DENND4C: variants seen among roughly 807,000 people sequenced by gnomAD.
The protein encoded by DENND4C is DENN domain containing 4C, also known as DENN domain-containing protein 4C.
A neutral mutation model predicts 203.0 loss-of-function variants in DENND4C; 108 were observed. The ratio of observed to expected loss-of-function variants is 0.53; its 90% CI spans 0.46 to 0.62. The LOEUF is 0.62. Among genes scored for constraint, DENND4C ranks in the 20% least tolerant of loss-of-function variants. The pLI, the probability that DENND4C is intolerant of heterozygous loss-of-function variation, is 0.00. For synonymous variants in DENND4C, 871 were observed against 792.4 expected (o/e 1.10, Z -1.67); for missense variants, 2,481 against 2,301.2 (o/e 1.08, Z -1.60).
intron 1 of DENND4C, among the ~76,000 whole-genome samples, chr9:19,269,133 T>G (rs1368634764): frequency 6.6e-6 from 1 of 152,126 alleles, no homozygotes; most frequent in Non-Finnish European, 1.5e-5. Context: ...TCTTTACTAT[T>G]TTGTCTCCTC....
chr9:19,264,420 C>T (rs1243248153), intron 1 of DENND4C, among the ~76,000 whole-genome samples: 1 of 152,106 alleles, frequency 6.6e-6, no homozygotes, highest in Non-Finnish European at 1.5e-5. Flanking sequence ...GATTCTCCTG[C>T]CTCAGCCTCT....
intron 9 of DENND4C, among the ~76,000 whole-genome samples, chr9:19,300,618 T>G (rs560037880): frequency 3.3e-5 from 5 of 152,292 alleles, no homozygotes; most frequent in African/African-American, 1.2e-4. Flanking sequence ...TAATAAAACC[T>G]GAGAATGAAG....
At chr9:19,242,538 A>T (rs139209557) in intron 1 of DENND4C, among the ~76,000 whole-genome samples, 30 of 152,310 alleles carry the variant, frequency 2.0e-4, no homozygotes, top group African/African-American at 6.7e-4. Flanking sequence ...TTGTATTTCC[A>T]TCAGCAGTGA....
At chr9:19,244,195 TA>T (rs1824523140) in intron 1 of DENND4C, among the ~76,000 whole-genome samples, 1 of 152,156 alleles carries the variant, frequency 6.6e-6, no homozygotes, top group South Asian at 2.1e-4. Flanking sequence ...CACACCTGGC[TA>T]AATTTTGTAT....
intron 20 of DENND4C, among the ~76,000 whole-genome samples, chr9:19,337,389 CCTT>C (rs1416692273): frequency 1.3e-5 from 2 of 152,052 alleles, no homozygotes; most frequent in African/African-American, 2.4e-5. Context: ...TGTTACATAT[CCTT>C]CTTCTTGTGT....
chr9:19,356,318 A>C (rs1825389184), intron 26 of DENND4C, among the ~76,000 whole-genome samples: 1 of 152,190 alleles, frequency 6.6e-6, no homozygotes, highest in East Asian at 1.9e-4. Flanking sequence ...ATTGATATAC[A>C]GCAAAATGTA....
Position 19,276,469 on chromosome 9 carries a change from A to G in DENND4C, c.295A>G (p.Thr99Ala). ...GAGAGGGAGAGATAAACCACCGCTTACAGATATTGGGTATGGTGACTTCTT... is the reference window on the plus strand; with the variant it reads ...GAGAGGGAGAGATAAACCACCGCTTGCAGATATTGGGTATGGTGACTTCTT... ...YKRGRDKPPL[T>A]DIGVLYEGKE... The change falls in exon 2 of 33, where the codon ACA (threonine) becomes GCA (alanine). Residue 99 changes from threonine to alanine, a missense_variant. By Grantham distance (58) the Thr-to-Ala change is moderately conservative. Around this residue, in one of 3 missense-constraint regions of DENND4C, gnomAD observed 187 missense variants for 167.4 expected, o/e 1.12. Coordinates refer to ENST00000434457, the MANE Select transcript of DENND4C (RefSeq NM_001330640.2). 1 of 1,232,088 alleles carries G rather than the reference A, an allele frequency of 8.1e-7. No individual in the cohort carries two copies. The highest frequency in any genetic ancestry group is 1.0e-6 in the Non-Finnish European group (1 of 987,894). 76.3% of individuals were successfully genotyped at this position (1,232,088 alleles called of 1,614,324 possible).
intron 1 of DENND4C, among the ~76,000 whole-genome samples, chr9:19,275,005 C>A (rs910211671): frequency 1.3e-5 from 2 of 152,156 alleles, no homozygotes; most frequent in Admixed American, 6.5e-5. Flanking sequence ...GAGATGGAGT[C>A]TTGCTCTGTT....
intron 1 of DENND4C, among the ~76,000 whole-genome samples, chr9:19,272,414 C>G (rs1831899114): frequency 6.6e-6 from 1 of 151,464 alleles, no homozygotes. Flanking sequence ...GAACGAAACT[C>G]CATCTCAAAA....
At chr9:19,246,729 G>A (rs893572212) in intron 1 of DENND4C, among the ~76,000 whole-genome samples, 10 of 149,926 alleles carry the variant, frequency 6.7e-5, no homozygotes, top group African/African-American at 2.5e-4. Context: ...TTTTGTTTTT[G>A]TTTGTTTGTT....
At chr9:19,284,370 G>A (rs574797657) in intron 2 of DENND4C, among the ~76,000 whole-genome samples, 33 of 152,176 alleles carry the variant, frequency 2.2e-4, no homozygotes, top group Admixed American at 6.5e-4. Context: ...CTCTACTGAT[G>A]GACATTTGGA....
chr9:19,315,074 C>T (rs200830068), intron 10 of DENND4C, among the ~76,000 whole-genome samples: 7 of 149,766 alleles, frequency 4.7e-5, no homozygotes, highest in African/African-American at 7.4e-5. Context: ...GCAGGAGAAT[C>T]GCTTGAACCT....
At chr9:19,291,887 A>C (rs1836391139) in intron 5 of DENND4C, among the ~76,000 whole-genome samples, 1 of 152,204 alleles carries the variant, frequency 6.6e-6, no homozygotes. Context: ...AGAGACTAGA[A>C]AAGGACAAGG....
chr9:19,273,565 T>G (rs1832223876), intron 1 of DENND4C, among the ~76,000 whole-genome samples: 1 of 151,670 alleles, frequency 6.6e-6, no homozygotes, highest in South Asian at 2.1e-4. Context: ...CAAGAATACA[T>G]AAAGAACTCA....
chr9:19,237,393 C>T (rs1229410440), intron 1 of DENND4C, among the ~76,000 whole-genome samples: 2 of 151,880 alleles, frequency 1.3e-5, no homozygotes, highest in Admixed American at 1.3e-4. Flanking sequence ...GCTCTATCAC[C>T]CAGGCTGGAG....
intron 29 of DENND4C, among the ~76,000 whole-genome samples, chr9:19,360,846 A>G (rs1189151538): frequency 1.3e-5 from 2 of 152,180 alleles, no homozygotes; most frequent in East Asian, 1.9e-4. Flanking sequence ...ATATTTCTAC[A>G]TATATTTTCT....
At chr9:19,295,705 A>G (rs1420543775) in intron 5 of DENND4C, among the ~76,000 whole-genome samples, 1 of 151,858 alleles carries the variant, frequency 6.6e-6, no homozygotes, top group Non-Finnish European at 1.5e-5. Flanking sequence ...AAAATCCACA[A>G]AAAACTTAAG....
chr9:19,342,276 A>G (rs1300642612), intron 21 of DENND4C, among the ~76,000 whole-genome samples: 1 of 152,166 alleles, frequency 6.6e-6, no homozygotes, highest in African/African-American at 2.4e-5. Context: ...TCTCTATCAC[A>G]AAAGTGTACT....
chr9:19,342,675 C>T lies in DENND4C; in HGVS notation c.3047C>T (p.Pro1016Leu). The T allele has an allele frequency of 6.2e-7, 1 of 1,612,048 alleles. No individual in the cohort carries two copies. Among genetic ancestry groups the T allele is most frequent in the Non-Finnish European group, 8.5e-7 (1 of 1,179,190 alleles). ...ASAIVAKHSQ[P>L]SPEPHSPTEP... The stretch of plus-strand genomic sequence containing the variant: ...GCTATTGTGGCAAAACATTCACAAC[C>T]TAGTCCAGAGCCTCACAGTCCTACT... Residue 1016 changes from proline (P) to leucine (L), a missense_variant, in exon 22 of 33, where the codon CCT becomes CTT. Coordinates refer to ENST00000434457, the MANE Select transcript of DENND4C (RefSeq NM_001330640.2).
Sources: gnomAD v4.1 joint callset for allele counts (sites outside exome capture counted in the v4.1 genomes callset) on GRCh38, gnomAD v4.1.1 for gene constraint, gnomAD v4.1.1 regional missense constraint, MANE v1.5 for transcripts, NCBI Gene and HGNC (gene_info 2026-07-23, HGNC 2026-07-21) for gene names.